MACROD2: variants seen among roughly 807,000 people sequenced by gnomAD.
The protein encoded by MACROD2 is ADP-ribose glycohydrolase MACROD2.
In MACROD2, 36 loss-of-function variants were observed where a neutral mutation model predicts 70.4. The observed-to-expected ratio is 0.51, with a 90% CI of 0.39 to 0.68. MACROD2 has a LOEUF of 0.68. Among genes scored for constraint, MACROD2 ranks in the 30% least tolerant of loss-of-function variants. The pLI, the probability that MACROD2 is intolerant of heterozygous loss-of-function variation, is 0.00. For missense variants in MACROD2, 496 were observed against 538.4 expected (o/e 0.92, Z 0.78); for synonymous variants, 172 against 178.8 (o/e 0.96, Z 0.30).
chr20:15,228,885 G>A (rs959437812), intron 5 of MACROD2, among the ~76,000 whole-genome samples: 4 of 151,970 alleles, frequency 2.6e-5, no homozygotes, highest in African/African-American at 9.7e-5. Context: ...TTATTCTTCT[G>A]TCATTCTTGT....
chr20:16,049,766 T>A (rs2067433060), intron 17 of MACROD2, 64 bp from the exon 18 acceptor site: 1 of 1,548,650 alleles, frequency 6.5e-7, no homozygotes, highest in Admixed American at 1.7e-5. Context: ...AAAAATGTAT[T>A]CCTTGCTAAG....
chr20:14,188,471 A>G (rs34239026), intron 3 of MACROD2, among the ~76,000 whole-genome samples: 222 of 152,290 alleles, frequency 1.5e-3, no homozygotes, highest in Non-Finnish European at 2.5e-3. Context: ...AAAGATAAAT[A>G]TGTTTTATAT....
At position 14,175,033 on chromosome 20, in the gene MACROD2, G is replaced by T. The variant is rs111679451; in HGVS notation, c.271+89305G>T. 3.3e-3 allele frequency among the ~76,000 whole-genome samples: 507 copies of T among 152,256 alleles called. 8 individuals are homozygous for T. Among genetic ancestry groups the T allele is most frequent in the African/African-American group, 0.012 (480 of 41,540 alleles). On this transcript the variant is annotated intron_variant, in intron 3 of 17. Transcript: ENST00000684519. ...CACTCTGGGCACTAGCAGTTTTTCAGCTGTCTCTTGGGGCCTGCAACAGCA... is the reference window on the plus strand; with the variant it reads ...CACTCTGGGCACTAGCAGTTTTTCATCTGTCTCTTGGGGCCTGCAACAGCA...
intron 8 of MACROD2, among the ~76,000 whole-genome samples, chr20:15,748,637 T>G (rs2051221898): frequency 6.6e-6 from 1 of 152,130 alleles, no homozygotes; most frequent in Non-Finnish European, 1.5e-5. Flanking sequence ...AACCCATGTG[T>G]GCAGTATTGA....
intron 3 of MACROD2, among the ~76,000 whole-genome samples, chr20:14,299,947 C>T (rs565319338): frequency 6.6e-6 from 1 of 151,972 alleles, no homozygotes; most frequent in East Asian, 1.9e-4. Context: ...CCAAGAAGCT[C>T]GATAGAATAA....
intron 5 of MACROD2, among the ~76,000 whole-genome samples, chr20:14,994,440 A>G (rs1430056871): frequency 2.6e-5 from 4 of 151,976 alleles, no homozygotes; most frequent in Non-Finnish European, 5.9e-5. Context: ...TGTTGCACTC[A>G]CCTAACAGGA....
At chr20:15,147,714 C>G (rs402692) in intron 5 of MACROD2, among the ~76,000 whole-genome samples, 134,207 of 152,156 alleles carry the variant, frequency 0.88, 59,338 homozygotes, top group East Asian at 1. Context: ...TCCGTGTGAA[C>G]AGACCACCAA....
intron 8 of MACROD2, among the ~76,000 whole-genome samples, chr20:15,575,340 G>A (rs2048431254): frequency 6.6e-6 from 1 of 152,134 alleles, no homozygotes; most frequent in African/African-American, 2.4e-5. Context: ...GTTAAAAGTT[G>A]TGGGTGAAGG....
chr20:15,345,134 T>C (rs1418875955), intron 6 of MACROD2, among the ~76,000 whole-genome samples: 3 of 152,196 alleles, frequency 2.0e-5, no homozygotes, highest in Non-Finnish European at 4.4e-5. Context: ...CCTTATGGCC[T>C]TGTCTAATCT....
intron 4 of MACROD2, among the ~76,000 whole-genome samples, chr20:14,606,988 CAT>C (rs1466045715): frequency 6.6e-6 from 1 of 152,180 alleles, no homozygotes; most frequent in Non-Finnish European, 1.5e-5. Context: ...CACACAAACA[CAT>C]GTGATTCAAG....
intron 3 of MACROD2, chr20:14,086,359 G>A (rs1353092061): frequency 4.7e-6 from 1 of 214,328 alleles, no homozygotes; most frequent in Non-Finnish European, 9.9e-6. Flanking sequence ...TAACAGCCGT[G>A]ATTCTACAAA....
intron 10 of MACROD2, among the ~76,000 whole-genome samples, chr20:15,921,409 G>T (rs548405895): frequency 3.7e-4 from 56 of 152,320 alleles, no homozygotes; most frequent in African/African-American, 1.3e-3. Flanking sequence ...CCGCCCCATA[G>T]GCCCCTCGTA....
chr20:14,635,594 C>T (rs1984746790), intron 4 of MACROD2, among the ~76,000 whole-genome samples: 1 of 152,118 alleles, frequency 6.6e-6, no homozygotes, highest in African/African-American at 2.4e-5. Context: ...CTTATTAATA[C>T]ATTATAACAG....
intron 7 of MACROD2, among the ~76,000 whole-genome samples, chr20:15,476,579 C>A (rs1470088094): frequency 6.8e-6 from 1 of 147,100 alleles, no homozygotes; most frequent in Non-Finnish European, 1.5e-5. Flanking sequence ...TGCCCCCCCC[C>A]GGTAAGTCTG....
chr20:14,045,774 G>A (rs1034195338), intron 2 of MACROD2, among the ~76,000 whole-genome samples: 4 of 152,092 alleles, frequency 2.6e-5, no homozygotes, highest in African/African-American at 9.7e-5. Context: ...TAAAAGGGAG[G>A]GGGGAATTAA....
intron 15 of MACROD2, among the ~76,000 whole-genome samples, chr20:16,023,623 G>A (rs1333926269): frequency 1.3e-5 from 2 of 152,068 alleles, no homozygotes; most frequent in African/African-American, 4.8e-5. Context: ...ACCGAGAATG[G>A]AAGGCACCCA....
chr20:15,200,849 A>T lies in MACROD2; in HGVS notation c.419-29091A>T, dbSNP rs145101174. On this transcript the variant is annotated intron_variant, in intron 5 of 17. Transcript: ENST00000684519. ...AGTGGGCCTGAGATTCTGCATTTGT[A>T]ACAAGCTCTCAGGAGATGCCCCTGT... 2.6e-5 allele frequency among the ~76,000 whole-genome samples: 4 copies of T among 152,328 alleles called. No individual in the cohort carries two copies. In the East Asian group the frequency reaches 7.7e-4, roughly 29 times the overall value.
Position 15,461,006 on chromosome 20 carries a change from A to ATATATATATATTTTTT in MACROD2, c.571+29572_571+29573insATATATATATTTTTTT. 7.8e-3 allele frequency among the ~76,000 whole-genome samples: 521 copies of ATATATATATATTTTTT among 66,802 alleles called. 11 individuals carry two copies. The highest frequency in any genetic ancestry group is 0.017 in the East Asian group (27 of 1,614). 43.8% of individuals were successfully genotyped at this position (66,802 alleles called of 152,430 possible). On this transcript the variant is annotated intron_variant, in intron 7 of 17. Coordinates refer to ENST00000684519, the MANE Select transcript of MACROD2 (RefSeq NM_001351661.2). ...TATATATATATATATATATATATAT[A>ATATATATATATTTTTT]TTTTTTTTTAATAGATGGGGTCTTG...
intron 5 of MACROD2, among the ~76,000 whole-genome samples, chr20:15,182,211 T>C (rs1392088126): frequency 6.6e-6 from 1 of 152,174 alleles, no homozygotes; most frequent in East Asian, 1.9e-4. Context: ...CTTCCCATAG[T>C]AACAAAACTA....
Sources: allele counts gnomAD v4.1 joint callset (sites outside exome capture counted in the v4.1 genomes callset), GRCh38; gene constraint gnomAD v4.1.1; transcripts MANE v1.5; gene names NCBI Gene and HGNC (gene_info 2026-07-23, HGNC 2026-07-21).